Variants in ASTL observed in about 807,000 individuals in gnomAD.
ASTL encodes the protein astacin like metalloendopeptidase, also known as astacin-like metalloendopeptidase.
In ASTL, 27 loss-of-function variants were observed where a neutral mutation model predicts 36.7. The observed-to-expected ratio is 0.73, with a 90% CI of 0.54 to 1.01. ASTL has a LOEUF of 1.01. ASTL is among the 50% of genes least tolerant of loss of function. ASTL has a pLI of 0.00. For missense variants in ASTL, 524 were observed against 572.8 expected (o/e 0.91, Z 0.87); for synonymous variants, 222 against 228.1 (o/e 0.97, Z 0.24).
chr2:96,135,332 C>G lies in ASTL; in HGVS notation c.243+19G>C. 2 of 1,612,472 alleles carry G rather than the reference C, an allele frequency of 1.2e-6. No individual in the cohort carries two copies. Among genetic ancestry groups the G allele is most frequent in the Non-Finnish European group, 1.7e-6 (2 of 1,178,534 alleles). ...CTGTGGGCTTATCCGCACCCACACA[C>G]GTCAGTGTGTGCACTCACCGGCCGG... On this transcript the variant is annotated intron_variant, in intron 3 of 8. Coordinates refer to ENST00000342380, the MANE Select transcript of ASTL (RefSeq NM_001002036.4).
intron 6 of ASTL, among the ~76,000 whole-genome samples, chr2:96,131,427 G>A (rs556786698): frequency 7.6e-4 from 116 of 152,060 alleles, no homozygotes; most frequent in Non-Finnish European, 1.3e-3. Context: ...TGTTTACATT[G>A]GTCTACTTTC....
intron 1 of ASTL, 91 bp downstream of exon 1, chr2:96,138,291 A>G: frequency 8.1e-7 from 1 of 1,228,112 alleles, no homozygotes; most frequent in Non-Finnish European, 1.2e-6. Flanking sequence ...CTCAGCTACA[A>G]TCCCTGCAGG....
intron 8 of ASTL, among the ~76,000 whole-genome samples, chr2:96,125,205 C>CT (rs962208957): frequency 3.7e-4 from 57 of 152,210 alleles, no homozygotes; most frequent in African/African-American, 1.3e-3. Context: ...CCTTTCCCTG[C>CT]TGTCACACCT....
chr2:96,135,207 G>A (rs188665025), intron 3 of ASTL, 144 bp downstream of exon 3: 342 of 624,374 alleles, frequency 5.5e-4, no homozygotes, highest in Middle Eastern at 1.8e-3. Flanking sequence ...CAGAACAGTC[G>A]CTCTGACCTT....
chr2:96,134,084 C>G (rs746605320), intron 3 of ASTL, 26 bp from the exon 4 acceptor site: 1 of 1,561,940 alleles, frequency 6.4e-7, no homozygotes, highest in Non-Finnish European at 8.8e-7. Context: ...CAGTTCAACC[C>G]CTGGGGACAG....
At chr2:96,133,703 TG>T in intron 4 of ASTL, 161 bp from the exon 5 acceptor site, 1 of 647,330 alleles carries the variant, frequency 1.5e-6, no homozygotes, top group Non-Finnish European at 2.7e-6. Flanking sequence ...AGACCCTGGC[TG>T]TGTGGCCTTG....
chr2:96,132,081 G>A lies in ASTL; in HGVS notation c.637+459C>T. Among the ~76,000 whole-genome samples, 1 of 152,214 alleles carries A rather than the reference G, an allele frequency of 6.6e-6. No homozygotes were observed. The highest frequency in any genetic ancestry group is 1.9e-4 in the East Asian group (1 of 5,196). ...TCCCAGCCCCACAGTGCTGCCCTCA[G>A]CCCGTGGCCCAGCACTTGGCTTGTG... On this transcript the variant is annotated intron_variant, in intron 6 of 8. Transcript: ENST00000342380. This position sits in a 1 kb window ranked among gnomAD's most constrained non-coding sequence, Gnocchi z 5.4.
At chr2:96,137,458 G>A in intron 2 of ASTL, 117 bp downstream of exon 2, 4 of 1,253,640 alleles carry the variant, frequency 3.2e-6, no homozygotes, top group Non-Finnish European at 4.5e-6. Context: ...ACCACTTAGA[G>A]CCCAGAGTAA....
chr2:96,134,703 C>T (rs1682260148), intron 3 of ASTL, among the ~76,000 whole-genome samples: 1 of 152,230 alleles, frequency 6.6e-6, no homozygotes, highest in Non-Finnish European at 1.5e-5. Flanking sequence ...CAGCCTCTGG[C>T]TCTCCTGCCC....
chr2:96,132,932 C>T lies in ASTL; in HGVS notation c.456-211G>A, dbSNP rs1273019487. On this transcript the variant is annotated intron_variant, in intron 5 of 8. Coordinates refer to ENST00000342380, the MANE Select transcript of ASTL (RefSeq NM_001002036.4). This position sits in a 1 kb window ranked among gnomAD's most constrained non-coding sequence, Gnocchi z 5.4. Reference sequence around the variant, plus strand: ...GCCATACCGGACCCCCATCACCAGCCTGGGCTGCAGGGAGGCTGCAGAAAC... The same window carrying T: ...GCCATACCGGACCCCCATCACCAGCTTGGGCTGCAGGGAGGCTGCAGAAAC... Among the ~76,000 whole-genome samples the T allele has an allele frequency of 6.6e-6, 1 of 152,220 alleles. No homozygotes were observed. Among genetic ancestry groups the T allele is most frequent in the Non-Finnish European group, 1.5e-5 (1 of 68,032 alleles).
At chr2:96,131,096 G>C (rs973792563) in intron 6 of ASTL, among the ~76,000 whole-genome samples, 1 of 152,184 alleles carries the variant, frequency 6.6e-6, no homozygotes, top group African/African-American at 2.4e-5. Context: ...GTTTTAGCCT[G>C]TTTTATCATT....
chr2:96,134,030 C>T lies in ASTL; in HGVS notation c.272G>A (p.Ser91Asn). ...PSPFRLLSAT[S>N]NKWPMGGSGV... ...ACTACCACCCATGGGCCATTTGTTGCTGGTTGCTGACAGCAGTCGGAAGGG... is the reference window on the plus strand; with the variant it reads ...ACTACCACCCATGGGCCATTTGTTGTTGGTTGCTGACAGCAGTCGGAAGGG... Residue 91 changes from serine (S) to asparagine (N), a missense_variant, in exon 4 of 9, where the codon AGC becomes AAC. By Grantham distance (46) the Ser-to-Asn change is conservative. Transcript: ENST00000342380. 6.2e-7 allele frequency: 1 copy of T among 1,613,940 alleles called. No individual in the cohort carries two copies. Among genetic ancestry groups the T allele is most frequent in the Non-Finnish European group, 8.5e-7 (1 of 1,179,840 alleles).
chr2:96,132,598 C>T lies in ASTL; in HGVS notation c.579G>A (p.Glu193=), dbSNP rs1682204769. 1 of 1,612,908 alleles carries T rather than the reference C, an allele frequency of 6.2e-7. No homozygotes were observed. The highest frequency in any genetic ancestry group is 8.5e-7 in the Non-Finnish European group (1 of 1,179,192). The change falls in exon 6 of 9, where the codon GAG becomes GAA. Residue 193 remains glutamate, a synonymous_variant. Coordinates refer to ENST00000342380, the MANE Select transcript of ASTL (RefSeq NM_001002036.4). The surrounding 1 kb of genome is among the most constrained non-coding windows in gnomAD (Gnocchi z 5.4). ...AGCGGTCCCGGTCGGCCCGCGTGTG[C>T]TCGTGCCAGAAGCCCAGCACATGCA... ...ELMHVLGFWH[E]HTRADRDRYI...
Position 96,124,365 on chromosome 2 carries a change from T to A in ASTL, c.875-94A>T. 1 of 1,206,472 alleles carries A rather than the reference T, an allele frequency of 8.3e-7. No individual in the cohort carries two copies. Among genetic ancestry groups the A allele is most frequent in the Non-Finnish European group, 1.1e-6 (1 of 906,230 alleles). 74.7% of individuals were successfully genotyped at this position (1,206,472 alleles called of 1,614,324 possible). On this transcript the variant is annotated intron_variant, in intron 8 of 8. Coordinates refer to ENST00000342380, the MANE Select transcript of ASTL (RefSeq NM_001002036.4). The surrounding 1 kb of genome is among the most constrained non-coding windows in gnomAD (Gnocchi z 4.1). ...CCAGAGCTGGCTCAGCTCACAGGAG[T>A]GGTGCCCACCCATGCCACGGCCTAG...
chr2:96,128,406 T>C (rs755573052), intron 8 of ASTL, among the ~76,000 whole-genome samples: 13 of 152,234 alleles, frequency 8.5e-5, no homozygotes, highest in Non-Finnish European at 1.2e-4. Context: ...GATCTTACTA[T>C]ATATTTTTTT....
intron 6 of ASTL, 119 bp from the exon 7 acceptor site, chr2:96,130,264 C>T: frequency 1.3e-6 from 1 of 750,554 alleles, no homozygotes; most frequent in Non-Finnish European, 2.3e-6. Flanking sequence ...AGGGGCTGAG[C>T]CCACAGCCAC....
intron 3 of ASTL, 55 bp downstream of exon 3, chr2:96,135,296 C>T (rs897275531): frequency 2.6e-6 from 4 of 1,519,062 alleles, no homozygotes; most frequent in Non-Finnish European, 3.6e-6. Context: ...GCTCAGAGGA[C>T]CTGTCGCCAA....
Position 96,129,936 on chromosome 2 carries a change from A to C in ASTL, c.762T>G (p.Leu254=). Residue 254 remains leucine (L), a synonymous_variant, in exon 8 of 9, where the codon CTT becomes CTG. Coordinates refer to ENST00000342380, the MANE Select transcript of ASTL (RefSeq NM_001002036.4). ...GGCCGATGTGGACACTGGGGGCCCAAAGTGGTGTGATGGTGGGCAGCCCAC... is the reference window on the plus strand; with the variant it reads ...GGCCGATGTGGACACTGGGGGCCCACAGTGGTGTGATGGTGGGCAGCCCAC... ...SRRGLPTITP[L]WAPSVHIGQR... The C allele has an allele frequency of 6.2e-7, 1 of 1,606,164 alleles. No homozygotes were observed. The highest frequency in any genetic ancestry group is 1.3e-5 in the African/African-American group (1 of 74,888).
Position 96,137,569 on chromosome 2 carries a change from C to T in ASTL, c.181+6G>A, listed in dbSNP as rs369615325. The T allele has an allele frequency of 1.1e-5, 18 of 1,613,142 alleles. No homozygotes were observed. The African/African-American group carries it at 2.4e-4, about 22-fold the overall frequency. On this transcript the variant is annotated splice_donor_region_variant and intron_variant, in intron 2 of 8. Coordinates refer to ENST00000342380, the MANE Select transcript of ASTL (RefSeq NM_001002036.4). ...TCCAGGCCGTGAGAAGATGTAGTGC[C>T]CTCACCTTGGTTAATTGCAGGAATG...
Sources: allele counts gnomAD v4.1 joint callset (sites outside exome capture counted in the v4.1 genomes callset), GRCh38; gene constraint gnomAD v4.1.1; non-coding constraint Gnocchi (gnomAD v3.1); transcripts MANE v1.5; gene names NCBI Gene and HGNC (gene_info 2026-07-23, HGNC 2026-07-21).